Variants in ITSN1 observed in about 807,000 individuals in gnomAD.
ITSN1 encodes the protein intersectin-1.
ITSN1 carries 58 observed loss-of-function variants against 239.8 expected under a neutral mutation model. The observed-to-expected ratio is 0.24, with a 90% CI of 0.20 to 0.30. ITSN1 has a LOEUF of 0.30. Ranked by LOEUF, ITSN1 falls within the 10% of genes least tolerant of loss-of-function variation. The pLI, the probability that ITSN1 is intolerant of heterozygous loss-of-function variation, is 1.00. For synonymous variants in ITSN1, 780 were observed against 770.8 expected, an observed-to-expected ratio of 1.01 and a Z score of -0.20; for missense variants, 1,558 against 2,103.3, an observed-to-expected ratio of 0.74 and a Z score of 5.07.
intron 7 of ITSN1, among the ~76,000 whole-genome samples, chr21:33,753,051 G>A (rs780494081): frequency 5.3e-5 from 8 of 152,100 alleles, no homozygotes; most frequent in Non-Finnish European, 1.0e-4. Flanking sequence ...AGATGATTCT[G>A]TTACTCTCTG....
At chr21:33,841,282 A>G (rs1220041355) in intron 29 of ITSN1, among the ~76,000 whole-genome samples, 2 of 152,224 alleles carry the variant, frequency 1.3e-5, no homozygotes, top group African/African-American at 4.8e-5. Context: ...AAAACCCTCT[A>G]AATATTAGGT....
intron 5 of ITSN1, 183 bp downstream of exon 5, chr21:33,735,387 C>T (rs1026341558): frequency 5.6e-6 from 4 of 709,326 alleles, no homozygotes; most frequent in Admixed American, 2.2e-5. Flanking sequence ...ACATTTGAAC[C>T]CTGGGATGTA....
intron 28 of ITSN1, among the ~76,000 whole-genome samples, chr21:33,835,795 G>C (rs1189461548): frequency 6.6e-6 from 1 of 152,198 alleles, no homozygotes; most frequent in Non-Finnish European, 1.5e-5. Flanking sequence ...GCCAGGCGTA[G>C]TGGTGCATGC....
At chr21:33,686,703 A>G (rs1382930474) in intron 1 of ITSN1, among the ~76,000 whole-genome samples, 1 of 152,132 alleles carries the variant, frequency 6.6e-6, no homozygotes, top group African/African-American at 2.4e-5. Context: ...ACATTTCAAG[A>G]TGGATGATCT....
chr21:33,746,844 GAAAA>G (rs1053677056), intron 5 of ITSN1, among the ~76,000 whole-genome samples: 1 of 150,254 alleles, frequency 6.7e-6, no homozygotes, highest in African/African-American at 2.4e-5. Flanking sequence ...CTCTGTCACA[GAAAA>G]AAAAAGGAAA....
chr21:33,747,885 A>G (rs978981008), intron 5 of ITSN1, among the ~76,000 whole-genome samples: 1 of 152,236 alleles, frequency 6.6e-6, no homozygotes, highest in African/African-American at 2.4e-5. Flanking sequence ...TAATATATGG[A>G]AAGAAATGAA....
chr21:33,706,379 A>G (rs1204540911), intron 1 of ITSN1, among the ~76,000 whole-genome samples: 2 of 152,062 alleles, frequency 1.3e-5, no homozygotes, highest in African/African-American at 4.8e-5. Flanking sequence ...CCCCACTTAT[A>G]TGAAATTTAA....
rs1569131960 is a variant in ITSN1 at position 33,765,973 on chromosome 21, C to T, written c.887C>T (p.Pro296Leu). ...GTAGCTATGTCTGGCCAACCACTGC[C>T]ACCTGTCCTGCCTCCAGAATACATT... is the stretch of plus-strand genomic sequence containing the variant. ...IDVAMSGQPL[P>L]PVLPPEYIPP... Residue 296 changes from proline (P) to leucine (L), a missense_variant, in exon 10 of 40, where the codon CCA becomes CTA. Physicochemically the swap from Pro to Leu is moderately conservative, Grantham distance 98. Transcript: ENST00000381318. 2 of 1,614,200 alleles carry T rather than the reference C, an allele frequency of 1.2e-6. No homozygotes were observed. Among genetic ancestry groups the T allele is most frequent in the East Asian group, 2.2e-5 (1 of 44,888 alleles).
intron 1 of ITSN1, among the ~76,000 whole-genome samples, chr21:33,646,176 A>C (rs2087928780): frequency 6.6e-6 from 1 of 152,210 alleles, no homozygotes; most frequent in Admixed American, 6.5e-5. Flanking sequence ...TAGGAGCCAC[A>C]AGCACTATAC....
chr21:33,755,308 T>C lies in ITSN1; in HGVS notation c.635T>C (p.Val212Ala). ...QSFDVASVPP[V>A]AEWAVPQSSR... ...TCTTTTCCCCACAGTGTCCCACCAG[T>C]GGCAGAGTGGGCTGTTCCTCAGTCA... Residue 212 changes from valine to alanine, a missense_variant, in exon 8 of 40, where the codon GTG (valine) becomes GCG (alanine). Transcript: ENST00000381318. The C allele has an allele frequency of 6.2e-7, 1 of 1,604,108 alleles. No individual in the cohort carries two copies. Among genetic ancestry groups the C allele is most frequent in the South Asian group, 1.1e-5 (1 of 90,186 alleles).
At position 33,722,597 on chromosome 21, in the gene ITSN1, C is replaced by G; in HGVS notation, c.131C>G (p.Ala44Gly). The G allele has an allele frequency of 3.9e-6, 6 of 1,554,052 alleles. No homozygotes were observed. Among genetic ancestry groups the G allele is most frequent in the Non-Finnish European group, 5.2e-6 (6 of 1,156,750 alleles). ...PISGFITGDQ[A>G]RNFFFQSGLP... ...TCTGTTTAATTTACAGGTGATCAAG[C>G]TAGAAACTTTTTTTTTCAATCTGGG... The change falls in exon 4 of 40, where the codon GCT (alanine) becomes GGT (glycine). Residue 44 changes from alanine (A) to glycine (G), a missense_variant. Around this residue, in one of 2 missense-constraint regions of ITSN1, gnomAD observed 982 missense variants for 1,209.9 expected, o/e 0.81. Transcript: ENST00000381318.
intron 1 of ITSN1, among the ~76,000 whole-genome samples, chr21:33,675,334 CA>C (rs1396494581): frequency 2.0e-5 from 3 of 151,918 alleles, no homozygotes; most frequent in Non-Finnish European, 4.4e-5. Flanking sequence ...GAGGCTGAGA[CA>C]GGGGGATCAT....
intron 29 of ITSN1, among the ~76,000 whole-genome samples, chr21:33,853,965 C>G (rs1054522619): frequency 1.3e-5 from 2 of 152,178 alleles, no homozygotes; most frequent in Non-Finnish European, 2.9e-5. Flanking sequence ...TTAGCTATGC[C>G]CTGGAGGGCA....
intron 1 of ITSN1, among the ~76,000 whole-genome samples, chr21:33,692,677 A>T (rs2091600963): frequency 6.6e-6 from 1 of 152,194 alleles, no homozygotes; most frequent in Non-Finnish European, 1.5e-5. Context: ...ATGGAATCTC[A>T]TCCATTAAAT....
intron 4 of ITSN1, among the ~76,000 whole-genome samples, chr21:33,734,550 T>C (rs1455956411): frequency 2.0e-5 from 3 of 152,168 alleles, no homozygotes; most frequent in African/African-American, 4.8e-5. Flanking sequence ...TGTTCCCACA[T>C]TGAGGTTTGT....
chr21:33,821,315 A>G (rs375753622), intron 24 of ITSN1, among the ~76,000 whole-genome samples: 1 of 152,200 alleles, frequency 6.6e-6, no homozygotes, highest in African/African-American at 2.4e-5. Context: ...TGACTTAGTT[A>G]TTAGAAATAT....
intron 5 of ITSN1, among the ~76,000 whole-genome samples, chr21:33,742,058 C>CTTTT (rs758936755): frequency 1.4e-5 from 2 of 138,920 alleles, no homozygotes; most frequent in African/African-American, 5.3e-5. Context: ...TTTTTAAAAT[C>CTTTT]TTTTTTTTTT....
intron 29 of ITSN1, among the ~76,000 whole-genome samples, chr21:33,852,518 C>T (rs1301628994): frequency 6.6e-6 from 1 of 152,102 alleles, no homozygotes; most frequent in African/African-American, 2.4e-5. Flanking sequence ...AGCAAGATGA[C>T]CTTTTATTGG....
chr21:33,803,233 T>A (rs2072147155), intron 20 of ITSN1, among the ~76,000 whole-genome samples: 1 of 152,236 alleles, frequency 6.6e-6, no homozygotes, highest in African/African-American at 2.4e-5. Flanking sequence ...GTTGTATAAA[T>A]TGGTTAAGCG....
Sources: gnomAD v4.1 joint callset for allele counts (sites outside exome capture counted in the v4.1 genomes callset) on GRCh38, gnomAD v4.1.1 for gene constraint, gnomAD v4.1.1 regional missense constraint, MANE v1.5 for transcripts, NCBI Gene and HGNC (gene_info 2026-07-23, HGNC 2026-07-21) for gene names.